The following ARHGAP10 variants were observed in gnomAD, a reference collection of about 807,000 sequenced individuals.
ARHGAP10 encodes Rho GTPase activating protein 10.
ARHGAP10 carries 87 observed loss-of-function variants against 108.6 expected under a neutral mutation model. That is an observed-to-expected ratio of 0.80 (90% confidence interval 0.67 to 0.96). ARHGAP10 has a LOEUF of 0.96. ARHGAP10 is among the 40% of genes least tolerant of loss of function. The pLI, the probability that ARHGAP10 is intolerant of heterozygous loss-of-function variation, is 0.00. For missense variants in ARHGAP10, 939 were observed against 954.5 expected (o/e 0.98, Z 0.21); for synonymous variants, 347 against 341.1 (o/e 1.02, Z -0.19).
intron 8 of ARHGAP10, 112 bp from the exon 9 acceptor site, chr4:147,879,120 C>T (rs974819935): frequency 2.7e-6 from 2 of 754,236 alleles, no homozygotes; most frequent in Non-Finnish European, 4.2e-6. Context: ...TTCATTGATT[C>T]AGCTGTATTC....
intron 1 of ARHGAP10, among the ~76,000 whole-genome samples, chr4:147,741,708 C>G (rs944484355): frequency 4.0e-5 from 6 of 151,866 alleles, no homozygotes; most frequent in East Asian, 3.9e-4. Flanking sequence ...CACACACACA[C>G]AGAGAAAAAC....
intron 1 of ARHGAP10, among the ~76,000 whole-genome samples, chr4:147,783,171 T>C (rs1009908412): frequency 1.6e-5 from 2 of 128,426 alleles, no homozygotes; most frequent in African/African-American, 5.1e-5. Context: ...ATAATTTATA[T>C]AACACATTAA....
intron 14 of ARHGAP10, among the ~76,000 whole-genome samples, chr4:147,941,583 A>G (rs1259701684): frequency 6.6e-6 from 1 of 152,182 alleles, no homozygotes; most frequent in Admixed American, 6.5e-5. Context: ...GTTTTCAGTA[A>G]TACCATTCTG....
At chr4:148,003,589 G>T (rs1740822366) in intron 18 of ARHGAP10, among the ~76,000 whole-genome samples, 1 of 152,060 alleles carries the variant, frequency 6.6e-6, no homozygotes, top group African/African-American at 2.4e-5. Context: ...TATGAATCTG[G>T]GTGCTCCTGT....
At chr4:148,001,473 G>C (rs1047470644) in intron 18 of ARHGAP10, among the ~76,000 whole-genome samples, 4 of 152,084 alleles carry the variant, frequency 2.6e-5, no homozygotes, top group Non-Finnish European at 5.9e-5. Flanking sequence ...AGCTTGATGG[G>C]GATGGCATTG....
intron 18 of ARHGAP10, among the ~76,000 whole-genome samples, chr4:147,983,410 C>A (rs1439440278): frequency 6.6e-6 from 1 of 152,028 alleles, no homozygotes; most frequent in East Asian, 1.9e-4. Context: ...TGGTCTCCAT[C>A]TCCTGAGCTC....
Position 147,746,782 on chromosome 4 carries a change from G to A in ARHGAP10, c.154+14327G>A, listed in dbSNP as rs10003056. 9.2e-3 allele frequency among the ~76,000 whole-genome samples: 1,397 copies of A among 152,264 alleles called. 14 individuals carry two copies. Among genetic ancestry groups the A allele is most frequent in the African/African-American group, 0.032 (1,329 of 41,540 alleles). ...TCACCTGTTTCATGACAGAGGAGAT[G>A]GTAAATGATGTCTACACACTCAAAT... On this transcript the variant is annotated intron_variant, in intron 1 of 22. Coordinates refer to ENST00000336498, the MANE Select transcript of ARHGAP10 (RefSeq NM_024605.4).
chr4:147,798,721 GACACTCTCTCTCTCTCTCTCTCTC>G (rs1731417096), intron 1 of ARHGAP10, among the ~76,000 whole-genome samples: 1 of 116,158 alleles, frequency 8.6e-6, no homozygotes, highest in African/African-American at 4.8e-5. Flanking sequence ...AGGAGTTTGA[GACACTCTCTCTCTCTCTCTCTCTC>G]TCTCTCTCTC....
intron 9 of ARHGAP10, among the ~76,000 whole-genome samples, chr4:147,879,644 A>C (rs1262529083): frequency 6.6e-6 from 1 of 152,018 alleles, no homozygotes; most frequent in Non-Finnish European, 1.5e-5. Context: ...TGCTGCACCC[A>C]TCAACCCATC....
At chr4:147,768,997 CA>C (rs1478107793) in intron 1 of ARHGAP10, among the ~76,000 whole-genome samples, 1 of 151,986 alleles carries the variant, frequency 6.6e-6, no homozygotes, top group Non-Finnish European at 1.5e-5. Context: ...CTCGGCCTCC[CA>C]AAGTGCTGGG....
chr4:147,957,531 TC>T (rs1307081370), intron 16 of ARHGAP10, among the ~76,000 whole-genome samples: 1 of 152,204 alleles, frequency 6.6e-6, no homozygotes, highest in Non-Finnish European at 1.5e-5. Context: ...CTGGTTTTGC[TC>T]AAGTGTCTGT....
intron 15 of ARHGAP10, among the ~76,000 whole-genome samples, chr4:147,947,227 CTTTTTTT>C (rs34782915): frequency 4.9e-5 from 5 of 101,606 alleles, no homozygotes; most frequent in East Asian, 2.6e-4. Flanking sequence ...GAGTCACTGT[CTTTTTTT>C]TTTTTTTTTT....
Position 147,954,371 on chromosome 4 carries a change from C to A in ARHGAP10, c.1392-945C>A, listed in dbSNP as rs539824146. On this transcript the variant is annotated intron_variant, in intron 15 of 22. Transcript: ENST00000336498. ...AATTTTTGCTTCAAGTGTTTTGGGG[C>A]TCTCTTATTAGATCTGTTAACATTT... Among the ~76,000 whole-genome samples, 62 of 152,002 alleles carry A rather than the reference C, an allele frequency of 4.1e-4. 1 individual carries two copies. Among genetic ancestry groups the A allele is most frequent in the African/African-American group, 1.4e-3 (58 of 41,518 alleles).
At chr4:147,994,680 A>C (rs574172473) in intron 18 of ARHGAP10, among the ~76,000 whole-genome samples, 5 of 152,204 alleles carry the variant, frequency 3.3e-5, no homozygotes, top group African/African-American at 4.8e-5. Flanking sequence ...TCGTAGATTG[A>C]AAATGGAATT....
intron 16 of ARHGAP10, among the ~76,000 whole-genome samples, chr4:147,955,786 G>C (rs1738767915): frequency 6.6e-6 from 1 of 152,116 alleles, no homozygotes; most frequent in Non-Finnish European, 1.5e-5. Context: ...GTAGTTTGGA[G>C]GTGGCTTCAC....
In ARHGAP10 at chr4:147,928,621, T is replaced by C. The variant is rs556285448; in HGVS notation, c.1229-11204T>C. On this transcript the variant is annotated intron_variant, in intron 13 of 22. Coordinates refer to ENST00000336498, the MANE Select transcript of ARHGAP10 (RefSeq NM_024605.4). ...TTTTTCTATCTGCTGTTCAAATAATTATCATCCGGGGAAGAACTTACAAAT... is the reference window on the plus strand; with the variant it reads ...TTTTTCTATCTGCTGTTCAAATAATCATCATCCGGGGAAGAACTTACAAAT... Among the ~76,000 whole-genome samples the C allele has an allele frequency of 1.8e-4, 27 of 152,328 alleles. No individual in the cohort carries two copies. In the South Asian group the frequency reaches 2.5e-3, roughly 14 times the overall value.
chr4:147,881,784 T>C, intron 9 of ARHGAP10, 54 bp from the exon 10 acceptor site: 1 of 1,524,880 alleles, frequency 6.6e-7, no homozygotes, highest in Non-Finnish European at 9.1e-7. Context: ...AATGGCTGAG[T>C]GTGTATATAC....
At chr4:148,021,699 A>C (rs1407246836) in intron 18 of ARHGAP10, among the ~76,000 whole-genome samples, 1 of 152,242 alleles carries the variant, frequency 6.6e-6, no homozygotes. Flanking sequence ...GAACAATGAC[A>C]GATGACAGTA....
chr4:148,041,976 TG>T (rs1728651960), intron 19 of ARHGAP10, among the ~76,000 whole-genome samples: 1 of 152,228 alleles, frequency 6.6e-6, no homozygotes, highest in Admixed American at 6.5e-5. Context: ...TTCAACTCTC[TG>T]TGCGTGACTT....
Sources: allele counts gnomAD v4.1 joint callset (sites outside exome capture counted in the v4.1 genomes callset), GRCh38; gene constraint gnomAD v4.1.1; transcripts MANE v1.5; gene names NCBI Gene and HGNC (gene_info 2026-07-23, HGNC 2026-07-21).